The following BAHD1 variants were observed in gnomAD, a reference collection of about 807,000 sequenced individuals.
BAHD1 encodes the protein bromo adjacent homology domain containing 1.
In BAHD1, 20 loss-of-function variants were observed where a neutral mutation model predicts 63.1. That is an observed-to-expected ratio of 0.32 (90% confidence interval 0.22 to 0.46). The LOEUF (loss-of-function observed/expected upper bound fraction) is 0.46, where lower values mean the gene tolerates loss of function less well. Ranked by LOEUF, BAHD1 falls within the 20% of genes least tolerant of loss-of-function variation. BAHD1 has a pLI of 1.00. For synonymous variants in BAHD1, 408 were observed against 426.8 expected (o/e 0.96, Z 0.54); for missense variants, 939 against 1,071.8 (o/e 0.88, Z 1.73).
upstream of BAHD1, among the ~76,000 whole-genome samples, chr15:40,438,200 G>A (rs1893316834): frequency 6.6e-6 from 1 of 152,212 alleles, no homozygotes; most frequent in Non-Finnish European, 1.5e-5. Context: ...AAGGTTACAG[G>A]ACCGAAGGAA....
Position 40,467,942 on chromosome 15 carries a change from G to A in BAHD1, c.*1812G>A, listed in dbSNP as rs1894261321. The A allele has an allele frequency of 1.3e-5, 2 of 152,646 alleles. No individual in the cohort carries two copies. Among genetic ancestry groups the A allele is most frequent in the Non-Finnish European group, 2.9e-5 (2 of 68,044 alleles). The allele number at this position is 152,646 out of a possible 1,614,324, so 9.5% of individuals were successfully genotyped here. A position where few individuals can be genotyped will look rare whatever the true frequency, so the allele number is the denominator to read the frequency against. On this transcript the variant is annotated 3_prime_UTR_variant, in exon 7 of 7. Transcript: ENST00000416165. ...GAAGGCCCTCCTCCCAGGAGGTAGG[G>A]TCTTGGCTGCCCCGAACTTAAATGC... is the stretch of plus-strand genomic sequence containing the variant.
At chr15:40,442,284 C>T (rs1893425521) in intron 1 of BAHD1, among the ~76,000 whole-genome samples, 1 of 151,640 alleles carries the variant, frequency 6.6e-6, no homozygotes, top group African/African-American at 2.4e-5. Context: ...CGGGGCCGGA[C>T]TCTGCCCCGG....
chr15:40,459,428 G>A lies in BAHD1; in HGVS notation c.964G>A (p.Ala322Thr). 1.2e-6 allele frequency: 2 copies of A among 1,613,378 alleles called. No homozygotes were observed. Among genetic ancestry groups the A allele is most frequent in the Non-Finnish European group, 1.7e-6 (2 of 1,179,956 alleles). Residue 322 changes from alanine (A) to threonine (T), a missense_variant, in exon 2 of 7, where the codon GCG becomes ACG. By Grantham distance (58) the Ala-to-Thr change is moderately conservative. Around this residue, in one of 5 missense-constraint regions of BAHD1, gnomAD observed 797 missense variants for 813.3 expected, o/e 0.98. Coordinates refer to ENST00000416165, the MANE Select transcript of BAHD1 (RefSeq NM_014952.5). ...PHLPLLMGGQ[A>T]ALKPEPGRPG... ...CCTGCCCCTGCTGATGGGTGGACAG[G>A]CGGCTCTGAAGCCGGAGCCTGGGCG...
Position 40,458,595 on chromosome 15 carries a change from G to A in BAHD1, c.131G>A (p.Ser44Asn). The A allele has an allele frequency of 1.9e-6, 3 of 1,614,050 alleles. No individual in the cohort carries two copies. The highest frequency in any genetic ancestry group is 1.3e-5 in the African/African-American group (1 of 75,032). The change falls in exon 2 of 7, where the codon AGC (serine) becomes AAC (asparagine). Residue 44 changes from serine to asparagine, a missense_variant. This residue lies in a region of BAHD1 where 797 missense variants were observed against 813.3 expected (regional missense o/e 0.98). Coordinates refer to ENST00000416165, the MANE Select transcript of BAHD1 (RefSeq NM_014952.5). The surrounding 1 kb of genome is among the most constrained non-coding windows in gnomAD (Gnocchi z 4.7). ...GGTGTGGAGCCAGGCATGCCCGAGA[G>A]CCCAGGTCACCTCACAGGGCGCCGC... ...VEGVEPGMPE[S>N]PGHLTGRRKN... is the part of the protein sequence containing the mutation.
chr15:40,442,743 A>G (rs1021470489), intron 1 of BAHD1, among the ~76,000 whole-genome samples: 1 of 152,232 alleles, frequency 6.6e-6, no homozygotes, highest in Non-Finnish European at 1.5e-5. Flanking sequence ...AGCTGAGTTT[A>G]TAAATCCAGG....
In BAHD1 at chr15:40,465,922, G is replaced by T; in HGVS notation, c.2154-19G>T. 1 of 1,548,798 alleles carries T rather than the reference G, an allele frequency of 6.5e-7. No homozygotes were observed. The highest frequency in any genetic ancestry group is 8.7e-7 in the Non-Finnish European group (1 of 1,148,706). On this transcript the variant is annotated intron_variant, in intron 6 of 6. Coordinates refer to ENST00000416165, the MANE Select transcript of BAHD1 (RefSeq NM_014952.5). The stretch of plus-strand genomic sequence containing the variant: ...CAAAAGTGGCTGGAGTAAAGACAGT[G>T]AATGGTATCTCTCTACAGGTTCTGT...
At chr15:40,462,320 C>T (rs755695149) in intron 3 of BAHD1, 26 bp downstream of exon 3, 147 of 1,570,796 alleles carry the variant, frequency 9.4e-5, no homozygotes, top group Non-Finnish European at 1.2e-4. Flanking sequence ...TAGCTGATGA[C>T]GAGAGGGAGG....
At chr15:40,440,932 G>A (rs1387072329), upstream of BAHD1, among the ~76,000 whole-genome samples, 2 of 152,092 alleles carry the variant, frequency 1.3e-5, no homozygotes, top group African/African-American at 4.8e-5. Flanking sequence ...GAAGGAGGGC[G>A]GCGGAGGCTC....
Position 40,459,414 on chromosome 15 carries a change from T to C in BAHD1, c.950T>C (p.Leu317Pro). The C allele has an allele frequency of 5.6e-6, 9 of 1,613,198 alleles. No individual in the cohort carries two copies. The highest frequency in any genetic ancestry group is 7.6e-6 in the Non-Finnish European group (9 of 1,179,868). The stretch of plus-strand genomic sequence containing the variant: ...GGGCTGCGCCCTCACCTGCCCCTGC[T>C]GATGGGTGGACAGGCGGCTCTGAAG... ...PLGLRPHLPL[L>P]MGGQAALKPE... Residue 317 changes from leucine to proline, a missense_variant, in exon 2 of 7, where the codon CTG (leucine) becomes CCG (proline). Physicochemically the swap from Leu to Pro is moderately conservative, Grantham distance 98. Transcript: ENST00000416165.
chr15:40,456,805 G>T (rs1893863368), intron 1 of BAHD1, among the ~76,000 whole-genome samples: 1 of 152,228 alleles, frequency 6.6e-6, no homozygotes, highest in African/African-American at 2.4e-5. Context: ...AAAAACCTGG[G>T]CCCGCTGGGT....
chr15:40,449,836 A>C (rs2141486188), intron 1 of BAHD1, among the ~76,000 whole-genome samples: 1 of 151,890 alleles, frequency 6.6e-6, no homozygotes, highest in Middle Eastern at 3.4e-3. Flanking sequence ...AAAAAAAGAA[A>C]ATGAAAATTG....
chr15:40,440,157 C>A (rs545079378), upstream of BAHD1, among the ~76,000 whole-genome samples: 9 of 152,252 alleles, frequency 5.9e-5, no homozygotes, highest in East Asian at 1.7e-3. Flanking sequence ...TGGATGAGGG[C>A]TCCACACTCT....
upstream of BAHD1, chr15:40,439,910 A>G (rs1893353783): frequency 6.6e-6 from 1 of 152,208 alleles, no homozygotes; most frequent in African/African-American, 2.4e-5. Flanking sequence ...TTGGGAGGGC[A>G]CGTCTGTGGG....
chr15:40,466,268 A>C lies in BAHD1; in HGVS notation c.*138A>C. ...CTGTGGTTTTCTTGGGGGGGAGGGC[A>C]GGGGCCCCTGTGGGTTCTGGGCTCC... On this transcript the variant is annotated 3_prime_UTR_variant, in exon 7 of 7. Transcript: ENST00000416165. 6.1e-4 allele frequency: 253 copies of C among 416,798 alleles called. No homozygotes were observed. Among genetic ancestry groups the C allele is most frequent in the East Asian group, 1.8e-3 (28 of 15,378 alleles). 25.8% of individuals were successfully genotyped at this position (416,798 alleles called of 1,614,324 possible). A position where few individuals can be genotyped will look rare whatever the true frequency, so the allele number is the denominator to read the frequency against.
In BAHD1 at chr15:40,458,742, C is replaced by G. The variant is rs1252514009; in HGVS notation, c.278C>G (p.Pro93Arg). The G allele has an allele frequency of 6.2e-7, 1 of 1,613,410 alleles. No individual in the cohort carries two copies. The highest frequency in any genetic ancestry group is 8.5e-7 in the Non-Finnish European group (1 of 1,180,036). ...PRSADEADEL[P>R]PDLPKPPSPA... ...AGTGCAGATGAGGCTGATGAGCTAC[C>G]GCCTGACCTGCCCAAGCCCCCCAGC... Residue 93 changes from proline (P) to arginine (R), a missense_variant, in exon 2 of 7, where the codon CCG becomes CGG. Transcript: ENST00000416165. The surrounding 1 kb of genome is among the most constrained non-coding windows in gnomAD (Gnocchi z 4.7).
chr15:40,454,897 C>G (rs764615294), intron 1 of BAHD1, among the ~76,000 whole-genome samples: 2 of 152,146 alleles, frequency 1.3e-5, no homozygotes, highest in Non-Finnish European at 2.9e-5. Context: ...CCCAACCAGC[C>G]CTGTAGCTGG....
chr15:40,454,930 G>A (rs1210246368), intron 1 of BAHD1, among the ~76,000 whole-genome samples: 2 of 152,130 alleles, frequency 1.3e-5, no homozygotes, highest in Non-Finnish European at 2.9e-5. Context: ...GGTTTGGAGG[G>A]GCCCTGGCAG....
chr15:40,458,793 G>A lies in BAHD1; in HGVS notation c.329G>A (p.Gly110Asp), dbSNP rs768650125. The A allele has an allele frequency of 6.2e-7, 1 of 1,612,990 alleles. No individual in the cohort carries two copies. The highest frequency in any genetic ancestry group is 8.5e-7 in the Non-Finnish European group (1 of 1,179,978). Residue 110 changes from glycine to aspartate, a missense_variant, in exon 2 of 7, where the codon GGC becomes GAC. Physicochemically the swap from Gly to Asp is moderately conservative, Grantham distance 94. Transcript: ENST00000416165. The surrounding 1 kb of genome is among the most constrained non-coding windows in gnomAD (Gnocchi z 4.7). ...CCGGCCCCATCCAGTGAAGACCCTG[G>A]CCTTGCCCAGCCCCGCAAGCGGCGC... is the stretch of plus-strand genomic sequence containing the variant. ...PSPAPSSEDP[G>D]LAQPRKRRLA...
At chr15:40,450,860 G>A (rs567811383) in intron 1 of BAHD1, among the ~76,000 whole-genome samples, 8 of 152,146 alleles carry the variant, frequency 5.3e-5, no homozygotes, top group Admixed American at 1.3e-4. Flanking sequence ...CTTTTGGGCC[G>A]GGCTCAGTGG....
Sources: gnomAD v4.1 joint callset for allele counts (sites outside exome capture counted in the v4.1 genomes callset) on GRCh38, gnomAD v4.1.1 for gene constraint, gnomAD v4.1.1 regional missense constraint, Gnocchi (gnomAD v3.1) non-coding constraint, MANE v1.5 for transcripts, NCBI Gene and HGNC (gene_info 2026-07-23, HGNC 2026-07-21) for gene names.